Variants in PARP6 observed in about 807,000 individuals in gnomAD.
The protein encoded by PARP6 is protein mono-ADP-ribosyltransferase PARP6.
A neutral mutation model predicts 92.0 loss-of-function variants in PARP6; 27 were observed. The observed-to-expected ratio is 0.29, with a 90% CI of 0.22 to 0.40. The LOEUF (loss-of-function observed/expected upper bound fraction) is 0.40. Ranked by LOEUF, PARP6 falls within the 10% of genes least tolerant of loss-of-function variation. The pLI is 1.00. For missense variants in PARP6, 501 were observed against 784.5 expected (o/e 0.64, Z 4.32); for synonymous variants, 272 against 281.2 (o/e 0.97, Z 0.33).
chr15:72,263,332 T>C (rs146299559), intron 8 of PARP6, among the ~76,000 whole-genome samples: 1 of 152,360 alleles, frequency 6.6e-6, no homozygotes, highest in African/African-American at 2.4e-5. Context: ...TTCTCACCTA[T>C]AATCACACTT....
intron 16 of PARP6, among the ~76,000 whole-genome samples, 163 bp downstream of exon 16, chr15:72,253,274 T>C (rs566019546): frequency 6.6e-6 from 1 of 152,306 alleles, no homozygotes; most frequent in East Asian, 1.9e-4. Flanking sequence ...GATGTGTTAT[T>C]TTCAAGGCAA....
At chr15:72,249,883 C>T (rs2084111848) in intron 19 of PARP6, 137 bp downstream of exon 19, 2 of 638,306 alleles carry the variant, frequency 3.1e-6, no homozygotes, top group Admixed American at 2.4e-5. Flanking sequence ...GTTCTAACTT[C>T]CTCTCTAGGG....
At chr15:72,255,514 T>C (rs987842248) in intron 14 of PARP6, among the ~76,000 whole-genome samples, 8 of 152,036 alleles carry the variant, frequency 5.3e-5, no homozygotes, top group Non-Finnish European at 1.2e-4. Context: ...CGCCTTGGCC[T>C]CCCGAAGTGC....
intron 16 of PARP6, among the ~76,000 whole-genome samples, chr15:72,251,866 A>T (rs1420108508): frequency 6.6e-6 from 1 of 152,196 alleles, no homozygotes; most frequent in Non-Finnish European, 1.5e-5. Context: ...GACATAAAAC[A>T]CTGAGGGCTC....
intron 2 of PARP6, among the ~76,000 whole-genome samples, chr15:72,269,753 G>T (rs940867675): frequency 6.6e-6 from 1 of 151,866 alleles, no homozygotes; most frequent in African/African-American, 2.4e-5. Flanking sequence ...AAAAACATTA[G>T]CAAGGCATGG....
rs755150336 is a variant in PARP6 at position 72,250,969 on chromosome 15, G to C, written c.1309-15C>G. 1.1e-5 allele frequency: 17 copies of C among 1,584,624 alleles called. No individual in the cohort carries two copies. Among genetic ancestry groups the C allele is most frequent in the East Asian group, 2.2e-5 (1 of 44,568 alleles). On this transcript the variant is annotated splice_polypyrimidine_tract_variant and intron_variant, in intron 17 of 23. Coordinates refer to ENST00000569795, the MANE Select transcript of PARP6 (RefSeq NM_001323532.2). ...ATGAACTTCAGCTGCTGCCCAGGGT[G>C]GGGGTGGAATCAGGAAAACAGAGCA...
At chr15:72,257,484 A>G (rs1217685422) in intron 12 of PARP6, 44 bp from the exon 13 acceptor site, 1 of 1,499,634 alleles carries the variant, frequency 6.7e-7, no homozygotes. Context: ...TGGGGTGTGC[A>G]ATAAGGTGTA....
chr15:72,272,079 T>G (rs538460986), intron 1 of PARP6, among the ~76,000 whole-genome samples: 16 of 152,218 alleles, frequency 1.1e-4, no homozygotes, highest in African/African-American at 3.9e-4. Flanking sequence ...AAACAAAGAC[T>G]ACTAGGAAGA....
At chr15:72,262,630 A>T (rs553282840) in intron 8 of PARP6, among the ~76,000 whole-genome samples, 1 of 152,174 alleles carries the variant, frequency 6.6e-6, no homozygotes, top group East Asian at 1.9e-4. Context: ...CTCACCTCCA[A>T]ACTTTCTGTA....
chr15:72,251,017 G>T, intron 17 of PARP6, 63 bp from the exon 18 acceptor site: 1 of 1,280,284 alleles, frequency 7.8e-7, no homozygotes, highest in South Asian at 1.3e-5. Context: ...AGGGAGGGAA[G>T]GGTTGGGGAT....
chr15:72,268,238 A>G (rs1344658765), intron 2 of PARP6, among the ~76,000 whole-genome samples: 1 of 152,188 alleles, frequency 6.6e-6, no homozygotes, highest in Non-Finnish European at 1.5e-5. Context: ...TCTAGCTCAT[A>G]ATGTTACAAC....
At chr15:72,267,126 G>T (rs1409471315) in intron 3 of PARP6, 3 of 514,642 alleles carry the variant, frequency 5.8e-6, no homozygotes, top group Admixed American at 3.4e-5. Context: ...AAATGCAAAT[G>T]ACTTCAATGT....
Position 72,249,951 on chromosome 15 carries a change from G to C in PARP6, c.1491+69C>G, listed in dbSNP as rs187253787. 1.9e-4 allele frequency: 190 copies of C among 1,013,736 alleles called. 2 individuals carry two copies. The East Asian group carries it at 4.5e-3, about 24-fold the overall frequency. The allele number at this position is 1,013,736 out of a possible 1,614,324, so 62.8% of individuals were successfully genotyped here. On this transcript the variant is annotated intron_variant, in intron 19 of 23. Coordinates refer to ENST00000569795, the MANE Select transcript of PARP6 (RefSeq NM_001323532.2). ...TGAGGCAAAAACAGCTTACTCTAGAGCAGCCTTCCACAAAACTGAGTAGGG... is the reference window on the plus strand; with the variant it reads ...TGAGGCAAAAACAGCTTACTCTAGACCAGCCTTCCACAAAACTGAGTAGGG...
rs959409275 is a variant in PARP6, at chr15:72,271,284, G to T, written c.-456C>A. On this transcript the variant is annotated 5_prime_UTR_variant, in exon 2 of 24. Transcript: ENST00000569795. ...CAAGGGCTGTTGCTGCTTGGTTTCTGTTGCTATCACAAGGAGAAAAAGGTA... is the reference window on the plus strand; with the variant it reads ...CAAGGGCTGTTGCTGCTTGGTTTCTTTTGCTATCACAAGGAGAAAAAGGTA... 6.6e-6 allele frequency: 1 copy of T among 152,184 alleles called. No individual in the cohort carries two copies. Among genetic ancestry groups the T allele is most frequent in the African/African-American group, 2.4e-5 (1 of 41,426 alleles). 9.4% of individuals were successfully genotyped at this position (152,184 alleles called of 1,614,324 possible).
chr15:72,256,051 C>T (rs926470839), intron 14 of PARP6, among the ~76,000 whole-genome samples: 1 of 152,056 alleles, frequency 6.6e-6, no homozygotes, highest in African/African-American at 2.4e-5. Flanking sequence ...CCTGCCTCAG[C>T]CTCCCAAAGT....
intron 20 of PARP6, among the ~76,000 whole-genome samples, chr15:72,246,627 C>T (rs547556935): frequency 2.0e-5 from 3 of 152,312 alleles, no homozygotes; most frequent in African/African-American, 7.2e-5. Context: ...AGTTTTCACA[C>T]ACACACACAT....
chr15:72,251,024 G>T, intron 17 of PARP6, 70 bp from the exon 18 acceptor site: 1 of 1,214,300 alleles, frequency 8.2e-7, no homozygotes, highest in Non-Finnish European at 1.2e-6. Flanking sequence ...GAAGGGTTGG[G>T]GATAGGGGAA....
intron 8 of PARP6, among the ~76,000 whole-genome samples, chr15:72,263,853 T>A (rs2086207391): frequency 6.6e-6 from 1 of 151,780 alleles, no homozygotes; most frequent in Non-Finnish European, 1.5e-5. Context: ...GAAACCCCCA[T>A]CTCTACTAAA....
intron 19 of PARP6, 49 bp from the exon 20 acceptor site, chr15:72,249,363 G>T: frequency 9.1e-7 from 1 of 1,098,622 alleles, no homozygotes; most frequent in Non-Finnish European, 1.4e-6. Context: ...GCCCTCCCAT[G>T]GCTATTTATT....
Sources: gnomAD v4.1 joint callset for allele counts (sites outside exome capture counted in the v4.1 genomes callset) on GRCh38, gnomAD v4.1.1 for gene constraint, MANE v1.5 for transcripts, NCBI Gene and HGNC (gene_info 2026-07-23, HGNC 2026-07-21) for gene names.